ANK2: variants seen among roughly 807,000 people sequenced by gnomAD.
ANK2 encodes the protein ankyrin-2.
Under a neutral mutation model 360.5 loss-of-function variants are expected in ANK2, and 83 were observed. The ratio of observed to expected loss-of-function variants is 0.23; its 90% CI spans 0.19 to 0.28. The LOEUF (loss-of-function observed/expected upper bound fraction) is 0.28. ANK2 is among the 10% of genes least tolerant of loss of function. ANK2 has a pLI of 1.00. For synonymous variants in ANK2, 1,740 were observed against 1,759.5 expected (o/e 0.99, Z 0.28); for missense variants, 4,201 against 4,795.7 (o/e 0.88, Z 3.66).
intron 22 of ANK2, among the ~76,000 whole-genome samples, chr4:113,296,337 A>G (rs1437366089): frequency 6.6e-6 from 1 of 152,184 alleles, no homozygotes; most frequent in Non-Finnish European, 1.5e-5. Context: ...ACAATAGACA[A>G]CTTAATAGTT....
At chr4:113,195,691 T>C (rs992418081) in intron 2 of ANK2, among the ~76,000 whole-genome samples, 6 of 152,246 alleles carry the variant, frequency 3.9e-5, no homozygotes, top group African/African-American at 1.4e-4. Flanking sequence ...CTTACTACTG[T>C]GTCAGTTGAA....
chr4:113,329,273 G>T (rs1249325097), intron 26 of ANK2, among the ~76,000 whole-genome samples: 3 of 152,106 alleles, frequency 2.0e-5, no homozygotes, highest in African/African-American at 7.2e-5. Flanking sequence ...CCTGGATCAG[G>T]ATCTGCTAAG....
intron 1 of ANK2, chr4:113,146,080 C>G: frequency 8.0e-7 from 1 of 1,252,354 alleles, no homozygotes; most frequent in Non-Finnish European, 1.0e-6. Context: ...TTGGTCAGAC[C>G]TCTAAACTTC....
intron 1 of ANK2, among the ~76,000 whole-genome samples, chr4:113,051,828 G>T (rs1234929524): frequency 6.6e-6 from 1 of 152,106 alleles, no homozygotes; most frequent in Non-Finnish European, 1.5e-5. Flanking sequence ...AATATTTTAT[G>T]AGGATTAGAA....
Position 113,354,433 on chromosome 4 carries a change from G to A in ANK2, c.5815G>A (p.Val1939Ile), listed in dbSNP as rs759195568. 6.2e-7 allele frequency: 1 copy of A among 1,614,006 alleles called. No individual in the cohort carries two copies. Among genetic ancestry groups the A allele is most frequent in the Non-Finnish European group, 8.5e-7 (1 of 1,179,960 alleles). ...SPGRTEKRLP[V>I]SPSGRTDKHQ... ...TGGGAGAACAGAAAAACGCTTGCCT[G>A]TTTCACCCTCCGGAAGAACGGACAA... Residue 1939 changes from valine (V) to isoleucine (I), a missense_variant, in exon 38 of 46, where the codon GTT (valine) becomes ATT (isoleucine). This residue lies in a region of ANK2 where 2,642 missense variants were observed against 2,714.5 expected (regional missense o/e 0.97). Transcript: ENST00000357077.
chr4:113,260,863 A>G (rs1316552066), intron 13 of ANK2, among the ~76,000 whole-genome samples: 1 of 152,212 alleles, frequency 6.6e-6, no homozygotes, highest in African/African-American at 2.4e-5. Context: ...GTGAACGCTG[A>G]CTGCCTGCTT....
chr4:112,958,418 C>A (rs937286931), intron 2 of ANK2, among the ~76,000 whole-genome samples: 4 of 152,192 alleles, frequency 2.6e-5, no homozygotes, highest in African/African-American at 9.7e-5. Flanking sequence ...ACAGCGAAAC[C>A]CCATCTCCAC....
At chr4:113,085,686 TA>T (rs557612364) in intron 1 of ANK2, among the ~76,000 whole-genome samples, 2 of 152,160 alleles carry the variant, frequency 1.3e-5, no homozygotes, top group Non-Finnish European at 2.9e-5. Flanking sequence ...GATAACTTTG[TA>T]AAAGTCTTCA....
chr4:113,030,423 T>G (rs2060152797), intron 2 of ANK2, among the ~76,000 whole-genome samples: 1 of 152,126 alleles, frequency 6.6e-6, no homozygotes, highest in Non-Finnish European at 1.5e-5. Flanking sequence ...GCTACCTGAT[T>G]AGGAGTCTAG....
chr4:113,319,807 T>G (rs1277007124), intron 26 of ANK2, among the ~76,000 whole-genome samples: 1 of 152,170 alleles, frequency 6.6e-6, no homozygotes. Context: ...AAGCTATAGA[T>G]TACTAAAAAG....
At chr4:112,985,122 G>C (rs1230640544) in intron 2 of ANK2, among the ~76,000 whole-genome samples, 1 of 152,176 alleles carries the variant, frequency 6.6e-6, no homozygotes, top group Non-Finnish European at 1.5e-5. Context: ...CTGCTATGAA[G>C]ACAGACATAT....
rs73843310 is a variant in ANK2 at position 113,065,580 on chromosome 4, A to G, written c.84+15768A>G. ...AGTGGCAGACACGGGCCTAGAACTC[A>G]TGTTACTTGATTCCTAGAAAAGTGT... On this transcript the variant is annotated intron_variant, in intron 1 of 45. Transcript: ENST00000357077. 3.7e-3 allele frequency among the ~76,000 whole-genome samples: 566 copies of G among 152,316 alleles called. 8 individuals are homozygous for G. The highest frequency in any genetic ancestry group is 0.013 in the African/African-American group (539 of 41,572).
intron 1 of ANK2, among the ~76,000 whole-genome samples, chr4:113,159,014 C>T (rs770033955): frequency 2.0e-4 from 30 of 151,886 alleles, no homozygotes; most frequent in Non-Finnish European, 2.4e-4. Flanking sequence ...AAGGTAATAT[C>T]CTCCCCAGGG....
chr4:112,854,701 C>CAATGG (rs2065902147), intron 1 of ANK2, among the ~76,000 whole-genome samples: 1 of 152,124 alleles, frequency 6.6e-6, no homozygotes, highest in Non-Finnish European at 1.5e-5. Flanking sequence ...ATTGGAACTG[C>CAATGG]AGGAGGAAGA....
intron 1 of ANK2, among the ~76,000 whole-genome samples, chr4:112,850,891 C>T (rs1345069806): frequency 6.6e-6 from 1 of 152,052 alleles, no homozygotes; most frequent in Non-Finnish European, 1.5e-5. Flanking sequence ...ATCTCTCCGC[C>T]ATCTTTTGCC....
rs1051383158 is a variant in ANK2, at chr4:113,131,125, A to G, written c.85-43291A>G. On this transcript the variant is annotated intron_variant, in intron 1 of 45. Transcript: ENST00000357077. Reference sequence around the variant, plus strand: ...TTAATGAATAGTTTTATTAACTACTAATCCTCCTGTTTTCAATTCAAATTT... The same window carrying G: ...TTAATGAATAGTTTTATTAACTACTGATCCTCCTGTTTTCAATTCAAATTT... Among the ~76,000 whole-genome samples the G allele has an allele frequency of 7.2e-5, 11 of 152,166 alleles. No homozygotes were observed. In the East Asian group the frequency reaches 9.6e-4, roughly 13 times the overall value.
rs867058166 is a variant in ANK2, at chr4:113,192,924, T to A, written c.187-3444T>A. On this transcript the variant is annotated intron_variant, in intron 2 of 45. Transcript: ENST00000357077. ...TCTATATTTTAGGGATTGCATTATT[T>A]AAAAAAAAAAAAAAAAACAACCCTT... Among the ~76,000 whole-genome samples the A allele has an allele frequency of 3.1e-3, 427 of 136,770 alleles. 1 individual carries two copies. Among genetic ancestry groups the A allele is most frequent in the African/African-American group, 8.8e-3 (326 of 37,086 alleles). The allele number at this position is 136,770 out of a possible 152,430, so 89.7% of individuals were successfully genotyped here.
At chr4:113,365,013 T>G in intron 40 of ANK2, 26 bp from the exon 41 acceptor site, 1 of 1,613,428 alleles carries the variant, frequency 6.2e-7, no homozygotes, top group South Asian at 1.1e-5. Flanking sequence ...TCAGACATAA[T>G]AAATGCTGTT....
chr4:112,828,981 C>T (rs1392701658), intron 1 of ANK2, among the ~76,000 whole-genome samples: 2 of 152,114 alleles, frequency 1.3e-5, no homozygotes, highest in Admixed American at 1.3e-4. Context: ...TGGTGAAACC[C>T]TGTCTCTACT....
Sources: allele counts gnomAD v4.1 joint callset (sites outside exome capture counted in the v4.1 genomes callset), GRCh38; gene constraint gnomAD v4.1.1; regional missense constraint gnomAD v4.1.1; transcripts MANE v1.5; gene names NCBI Gene and HGNC (gene_info 2026-07-23, HGNC 2026-07-21).